MAST4: variants seen among roughly 807,000 people sequenced by gnomAD.
MAST4 encodes microtubule-associated serine/threonine-protein kinase 4.
A neutral mutation model predicts 162.7 loss-of-function variants in MAST4; 89 were observed. The ratio of observed to expected loss-of-function variants is 0.55; its 90% CI spans 0.46 to 0.65. MAST4 has a LOEUF of 0.65. Ranked by LOEUF, MAST4 falls within the 30% of genes least tolerant of loss-of-function variation. MAST4 has a pLI of 0.00. For missense variants in MAST4, 3,153 were observed against 3,374.0 expected (o/e 0.93, Z 1.62); for synonymous variants, 1,479 against 1,361.1 (o/e 1.09, Z -1.91).
chr5:67,154,020 T>C (rs1423661478), intron 26 of MAST4, among the ~76,000 whole-genome samples: 3 of 152,216 alleles, frequency 2.0e-5, no homozygotes, highest in Non-Finnish European at 2.9e-5. Flanking sequence ...ATTGTAAATA[T>C]ATACACATGT....
At chr5:66,983,162 G>A (rs1288035715) in intron 4 of MAST4, among the ~76,000 whole-genome samples, 2 of 152,264 alleles carry the variant, frequency 1.3e-5, no homozygotes, top group South Asian at 2.1e-4. Flanking sequence ...ATACCTATAT[G>A]TACCTTCTTC....
chr5:66,945,820 G>A (rs1030176299), intron 4 of MAST4, among the ~76,000 whole-genome samples: 18 of 152,042 alleles, frequency 1.2e-4, no homozygotes, highest in African/African-American at 4.3e-4. Context: ...TTTAAATGGT[G>A]CCCATTAAAC....
chr5:66,969,391 A>T lies in MAST4; in HGVS notation c.674+69409A>T, dbSNP rs540485162. On this transcript the variant is annotated intron_variant, in intron 4 of 28. Coordinates refer to ENST00000403625, the MANE Select transcript of MAST4 (RefSeq NM_001164664.2). The stretch of plus-strand genomic sequence containing the variant: ...CCCTGGGCAAGTGTTAAACTTCTTG[A>T]ACGCTCATTGTCTTTATCTATGAAT... Among the ~76,000 whole-genome samples the T allele has an allele frequency of 5.9e-5, 9 of 152,304 alleles. No homozygotes were observed. The South Asian group carries it at 1.9e-3, about 32-fold the overall frequency.
rs578019558 is a variant in MAST4, at chr5:66,680,372, A to G, written c.364-79337A>G. The stretch of plus-strand genomic sequence containing the variant: ...TAACCCTGTATCTGTGCTGTCATTC[A>G]TTGTCTTTCCTGACTCCCTTTGTCC... On this transcript the variant is annotated intron_variant, in intron 1 of 28. Transcript: ENST00000403625. 3.9e-5 allele frequency among the ~76,000 whole-genome samples: 6 copies of G among 152,284 alleles called. No individual in the cohort carries two copies. The East Asian group carries it at 9.7e-4, about 25-fold the overall frequency.
chr5:67,167,242 C>A lies in MAST4; in HGVS notation c.*191C>A. The A allele has an allele frequency of 1.6e-5, 2 of 123,172 alleles. No individual in the cohort carries two copies. The highest frequency in any genetic ancestry group is 2.2e-4 in the East Asian group (1 of 4,544). 7.6% of individuals were successfully genotyped at this position (123,172 alleles called of 1,614,324 possible). A position where few individuals can be genotyped will look rare whatever the true frequency, so the allele number is the denominator to read the frequency against. On this transcript the variant is annotated 3_prime_UTR_variant, in exon 29 of 29. Transcript: ENST00000403625. ...GCCTTCCCAGTTGTAACCGGTAAAACTGTTACCAGATAGTGTTTGTACAAA... is the reference window on the plus strand; with the variant it reads ...GCCTTCCCAGTTGTAACCGGTAAAAATGTTACCAGATAGTGTTTGTACAAA...
intron 3 of MAST4, among the ~76,000 whole-genome samples, chr5:66,794,142 A>G (rs1755543804): frequency 6.6e-6 from 1 of 152,200 alleles, no homozygotes; most frequent in Non-Finnish European, 1.5e-5. Flanking sequence ...CCTTACTAAG[A>G]AGCTATTCTT....
chr5:66,757,670 A>C (rs1489720989), intron 1 of MAST4, among the ~76,000 whole-genome samples: 1 of 152,180 alleles, frequency 6.6e-6, no homozygotes, highest in Non-Finnish European at 1.5e-5. Context: ...ACTGCCTGCA[A>C]CCAACAGTCC....
At chr5:66,766,260 G>A (rs75598852) in intron 2 of MAST4, among the ~76,000 whole-genome samples, 49 of 152,208 alleles carry the variant, frequency 3.2e-4, no homozygotes, top group African/African-American at 1.2e-3. Context: ...TTTTCTCCAC[G>A]AAGAGAGTTG....
intron 4 of MAST4, among the ~76,000 whole-genome samples, chr5:66,938,567 C>A (rs919172428): frequency 3.3e-5 from 5 of 152,228 alleles, no homozygotes; most frequent in South Asian, 2.1e-4. Flanking sequence ...TGTTGAAAAC[C>A]CAGGGAAAAC....
At position 66,661,987 on chromosome 5, in the gene MAST4, A is replaced by G. The variant is rs373840287; in HGVS notation, c.363+64969A>G. 7.2e-5 allele frequency among the ~76,000 whole-genome samples: 11 copies of G among 152,254 alleles called. 1 individual carries two copies. The East Asian group carries it at 1.7e-3, about 24-fold the overall frequency. ...AAACCAAATCAGAAGAGAGTCATGC[A>G]TTATAGGTGATACTTCTTTAGTGGT... On this transcript the variant is annotated intron_variant, in intron 1 of 28. Transcript: ENST00000403625.
chr5:67,164,647 C>T lies in MAST4; in HGVS notation c.5468C>T (p.Pro1823Leu). The T allele has an allele frequency of 6.2e-7, 1 of 1,614,016 alleles. No individual in the cohort carries two copies. The highest frequency in any genetic ancestry group is 8.5e-7 in the Non-Finnish European group (1 of 1,179,904). ...GCCTCCAAGACAGAACTGCCTTCCC[C>T]AGAGTCTGCACAGAGCCCCAGCCCA... is the stretch of plus-strand genomic sequence containing the variant. ...PQASKTELPS[P>L]ESAQSPSPSG... is the part of the protein sequence containing the mutation. Residue 1823 changes from proline to leucine, a missense_variant, in exon 29 of 29, where the codon CCA (proline) becomes CTA (leucine). By Grantham distance (98) the Pro-to-Leu change is moderately conservative (BLOSUM62 -3). This residue lies in a region of MAST4 where 1,644 missense variants were observed against 1,495.0 expected (regional missense o/e 1.10). Transcript: ENST00000403625. This position sits in a 1 kb window ranked among gnomAD's most constrained non-coding sequence, Gnocchi z 5.3.
At position 67,118,814 on chromosome 5, in the gene MAST4, A is replaced by G. The variant is rs1767238340; in HGVS notation, c.1659+65A>G. 3.9e-5 allele frequency: 36 copies of G among 917,478 alleles called. 2 individuals are homozygous for G. The South Asian group carries it at 4.6e-4, about 12-fold the overall frequency. 56.8% of individuals were successfully genotyped at this position (917,478 alleles called of 1,614,324 possible). On this transcript the variant is annotated intron_variant, in intron 13 of 28. Transcript: ENST00000403625. ...TGTTTAGCATCTGGAGACTTTGGCT[A>G]TGTTAGTTTATTTGTTCAACAAATG...
At chr5:66,803,701 A>G (rs1228282771) in intron 3 of MAST4, among the ~76,000 whole-genome samples, 1 of 152,190 alleles carries the variant, frequency 6.6e-6, no homozygotes, top group East Asian at 1.9e-4. Flanking sequence ...CTAATTTATA[A>G]TGATTCTTAT....
At chr5:66,652,675 G>T (rs557642977) in intron 1 of MAST4, among the ~76,000 whole-genome samples, 1 of 152,150 alleles carries the variant, frequency 6.6e-6, no homozygotes, top group East Asian at 1.9e-4. Flanking sequence ...TTTGTTGCCA[G>T]TTCTTAGCTC....
chr5:66,836,827 A>G (rs999951715), intron 3 of MAST4, among the ~76,000 whole-genome samples: 1 of 152,144 alleles, frequency 6.6e-6, no homozygotes, highest in Non-Finnish European at 1.5e-5. Flanking sequence ...AAAAAATGAC[A>G]TAGGGGGTGC....
At chr5:66,810,323 T>G (rs886601314) in intron 3 of MAST4, among the ~76,000 whole-genome samples, 1 of 152,222 alleles carries the variant, frequency 6.6e-6, no homozygotes, top group Non-Finnish European at 1.5e-5. Context: ...GGGCCATTTT[T>G]GCAGGCCCAT....
intron 11 of MAST4, among the ~76,000 whole-genome samples, chr5:67,111,038 A>G (rs1338260128): frequency 6.6e-6 from 1 of 152,164 alleles, no homozygotes; most frequent in Non-Finnish European, 1.5e-5. Context: ...AATAAAAAAA[A>G]TTAAAATTAA....
chr5:66,609,113 A>G (rs1036003792), intron 1 of MAST4, among the ~76,000 whole-genome samples: 10 of 150,324 alleles, frequency 6.7e-5, no homozygotes, highest in African/African-American at 2.2e-4. Context: ...TGCAGGCTCC[A>G]AACAGAAAGA....
chr5:66,811,682 T>C (rs1756486915), intron 3 of MAST4, among the ~76,000 whole-genome samples: 1 of 152,182 alleles, frequency 6.6e-6, no homozygotes, highest in Admixed American at 6.5e-5. Context: ...GTGAACATCT[T>C]GATTTAGCCA....
Sources: allele counts gnomAD v4.1 joint callset (sites outside exome capture counted in the v4.1 genomes callset), GRCh38; gene constraint gnomAD v4.1.1; regional missense constraint gnomAD v4.1.1; non-coding constraint Gnocchi (gnomAD v3.1); transcripts MANE v1.5; gene names NCBI Gene and HGNC (gene_info 2026-07-23, HGNC 2026-07-21).